The following LMNB1 variants were observed in gnomAD, a reference collection of about 807,000 sequenced individuals.
The protein encoded by LMNB1 is lamin B1.
In LMNB1, 23 loss-of-function variants were observed where a neutral mutation model predicts 67.1. The ratio of observed to expected loss-of-function variants is 0.34; its 90% CI spans 0.25 to 0.49. The LOEUF (loss-of-function observed/expected upper bound fraction) is 0.49. Among genes scored for constraint, LMNB1 ranks in the 20% least tolerant of loss-of-function variants. The pLI, the probability that LMNB1 is intolerant of heterozygous loss-of-function variation, is 0.99. For synonymous variants in LMNB1, 281 were observed against 282.9 expected (o/e 0.99, Z 0.07); for missense variants, 634 against 746.5 (o/e 0.85, Z 1.76).
intron 5 of LMNB1, 39 bp downstream of exon 5, chr5:126,811,937 G>C (rs930031159): frequency 6.3e-7 from 1 of 1,587,142 alleles, no homozygotes; most frequent in Admixed American, 1.7e-5. Flanking sequence ...AGACTTGAAG[G>C]CTACCTTCAC....
chr5:126,791,418 A>G (rs750937189), intron 1 of LMNB1, among the ~76,000 whole-genome samples: 5 of 151,732 alleles, frequency 3.3e-5, no homozygotes, highest in African/African-American at 4.9e-5. Context: ...TTGTTTTCCA[A>G]TTTTTGCTAT....
intron 1 of LMNB1, among the ~76,000 whole-genome samples, chr5:126,784,598 A>G (rs906495621): frequency 1.1e-3 from 131 of 118,920 alleles, no homozygotes; most frequent in South Asian, 2.8e-3. Flanking sequence ...CTCGTGATCC[A>G]CCCGCCTCGG....
At chr5:126,816,580 G>A (rs938350579) in intron 5 of LMNB1, among the ~76,000 whole-genome samples, 3 of 152,106 alleles carry the variant, frequency 2.0e-5, no homozygotes, top group African/African-American at 7.2e-5. Context: ...CTGTGAACTC[G>A]TCTCCAGACT....
In LMNB1 at chr5:126,783,374, TAA is replaced by T. The variant is rs1043495982; in HGVS notation, c.359+5508_359+5509del. Among the ~76,000 whole-genome samples the T allele has an allele frequency of 9.4e-3, 1,210 of 129,274 alleles. 23 individuals are homozygous for T. The highest frequency in any genetic ancestry group is 0.029 in the African/African-American group (1,109 of 38,544). The allele number at this position is 129,274 out of a possible 152,430, so 84.8% of individuals were successfully genotyped here. ...TTTTATATTTTTATAACTTAAAATA[TAA>T]GAGTTATAAAACTAGTTTTCTTTAT... On this transcript the variant is annotated intron_variant, in intron 1 of 10. Transcript: ENST00000261366.
chr5:126,779,949 T>C (rs1750582990), intron 1 of LMNB1, among the ~76,000 whole-genome samples: 1 of 152,164 alleles, frequency 6.6e-6, no homozygotes, highest in Non-Finnish European at 1.5e-5. Context: ...GGAGAATCGC[T>C]TGAACCCAGG....
intron 1 of LMNB1, among the ~76,000 whole-genome samples, chr5:126,804,449 T>A (rs1751365803): frequency 6.6e-6 from 1 of 152,172 alleles, no homozygotes; most frequent in South Asian, 2.1e-4. Context: ...TGAATTTTCA[T>A]TTCTTCAAAA....
chr5:126,809,931 A>G (rs1751542794), intron 3 of LMNB1, among the ~76,000 whole-genome samples: 2 of 152,236 alleles, frequency 1.3e-5, no homozygotes, highest in Non-Finnish European at 2.9e-5. Context: ...AGAAAAATAA[A>G]TAGCTATGCT....
chr5:126,792,075 A>ACCCAGC, intron 1 of LMNB1, among the ~76,000 whole-genome samples: 1 of 149,296 alleles, frequency 6.7e-6, no homozygotes, highest in Non-Finnish European at 1.5e-5. Flanking sequence ...GAGCCACTGT[A>ACCCAGC]CCCAGCCTAT....
At chr5:126,824,852 A>AC (rs1751957963) in intron 8 of LMNB1, among the ~76,000 whole-genome samples, 1 of 65,558 alleles carries the variant, frequency 1.5e-5, no homozygotes, top group South Asian at 6.6e-4. Context: ...CCACCCCCCC[A>AC]CCCTTTCTTT....
chr5:126,816,463 T>G (rs1751706635), intron 5 of LMNB1, among the ~76,000 whole-genome samples: 1 of 152,250 alleles, frequency 6.6e-6, no homozygotes, highest in African/African-American at 2.4e-5. Flanking sequence ...GTTGGCAAAG[T>G]ACTATAGACA....
chr5:126,831,311 C>T (rs1370371662), intron 9 of LMNB1, among the ~76,000 whole-genome samples: 1 of 152,214 alleles, frequency 6.6e-6, no homozygotes, highest in Non-Finnish European at 1.5e-5. Flanking sequence ...TGAGGACACA[C>T]TCATTTACTT....
At chr5:126,813,849 G>C (rs1751637439) in intron 5 of LMNB1, among the ~76,000 whole-genome samples, 1 of 152,136 alleles carries the variant, frequency 6.6e-6, no homozygotes, top group African/African-American at 2.4e-5. Flanking sequence ...CATGAAATTT[G>C]TGGGAACACA....
chr5:126,832,901 A>C, intron 10 of LMNB1, 100 bp downstream of exon 10: 1 of 679,176 alleles, frequency 1.5e-6, no homozygotes, highest in Non-Finnish European at 2.4e-6. Context: ...CAGTTGATGA[A>C]CCAGCGCAGT....
chr5:126,826,165 A>G lies in LMNB1; in HGVS notation c.1611+58A>G, dbSNP rs1751995523. On this transcript the variant is annotated intron_variant, in intron 9 of 10. Coordinates refer to ENST00000261366, the MANE Select transcript of LMNB1 (RefSeq NM_005573.4). The stretch of plus-strand genomic sequence containing the variant: ...TAATTTCACTTAAAGTTCACTGTGC[A>G]AGTATAATCAAGATCAGATTGAAAC... 3.9e-6 allele frequency: 6 copies of G among 1,545,310 alleles called. No individual in the cohort carries two copies. The Admixed American group carries it at 1.1e-4, about 29-fold the overall frequency.
chr5:126,791,847 G>A (rs534663037), intron 1 of LMNB1, among the ~76,000 whole-genome samples: 6 of 151,908 alleles, frequency 3.9e-5, no homozygotes, highest in South Asian at 4.2e-4. Flanking sequence ...GCAGTGGTGC[G>A]ATCTTGGCTC....
intron 1 of LMNB1, among the ~76,000 whole-genome samples, chr5:126,791,994 G>C (rs1750970478): frequency 6.6e-6 from 1 of 151,972 alleles, no homozygotes; most frequent in African/African-American, 2.4e-5. Flanking sequence ...TGTTGGTCAG[G>C]CTGGTCTCGA....
intron 1 of LMNB1, among the ~76,000 whole-genome samples, chr5:126,800,977 AT>A (rs1435609698): frequency 2.1e-4 from 8 of 38,268 alleles, no homozygotes; most frequent in South Asian, 2.3e-3. Context: ...ATATATATAT[AT>A]ATAATTTTTT....
chr5:126,803,183 CA>C (rs112706675), intron 1 of LMNB1, among the ~76,000 whole-genome samples: 135 of 127,752 alleles, frequency 1.1e-3, no homozygotes, highest in East Asian at 2.4e-3. Context: ...GATGCCATCT[CA>C]AAAAAAAAAA....
intron 8 of LMNB1, among the ~76,000 whole-genome samples, chr5:126,825,582 G>A (rs765472545): frequency 2.6e-5 from 4 of 152,162 alleles, no homozygotes; most frequent in South Asian, 2.1e-4. Context: ...GTAATAGAAC[G>A]CTGAGGCTAC....
Sources: allele counts gnomAD v4.1 joint callset (sites outside exome capture counted in the v4.1 genomes callset), GRCh38; gene constraint gnomAD v4.1.1; transcripts MANE v1.5; gene names NCBI Gene and HGNC (gene_info 2026-07-23, HGNC 2026-07-21).